The following KATNAL1 variants were observed in gnomAD, a reference collection of about 807,000 sequenced individuals.
KATNAL1 encodes the protein katanin catalytic subunit A1 like 1.
A neutral mutation model predicts 55.2 loss-of-function variants in KATNAL1; 32 were observed. The ratio of observed to expected loss-of-function variants is 0.58; its 90% CI spans 0.44 to 0.78. The LOEUF (loss-of-function observed/expected upper bound fraction) is 0.78, where lower values mean the gene tolerates loss of function less well. KATNAL1 is among the 30% of genes least tolerant of loss of function. The pLI, the probability that KATNAL1 is intolerant of heterozygous loss-of-function variation, is 0.00. For synonymous variants in KATNAL1, 193 were observed against 193.6 expected, an observed-to-expected ratio of 1.00 and a Z score of 0.02; for missense variants, 466 against 600.9, an observed-to-expected ratio of 0.78 and a Z score of 2.35.
chr13:30,271,959 G>T (rs541914534), intron 3 of KATNAL1, among the ~76,000 whole-genome samples: 1 of 151,124 alleles, frequency 6.6e-6, no homozygotes. Flanking sequence ...CAAAGAAGAT[G>T]GTCAACATTA....
rs867829756 is a variant in KATNAL1 at position 30,270,420 on chromosome 13, G to A, written c.323+9643C>T. 3.1e-3 allele frequency among the ~76,000 whole-genome samples: 470 copies of A among 152,262 alleles called. 1 individual carries two copies. The highest frequency in any genetic ancestry group is 0.011 in the African/African-American group (446 of 41,572). ...CCGGCCACCACCCCGTCTGGGAGGT[G>A]TACCCAACAGCTCATTGAGAACGGG... is the stretch of plus-strand genomic sequence containing the variant. On this transcript the variant is annotated intron_variant, in intron 3 of 10. Coordinates refer to ENST00000380615, the MANE Select transcript of KATNAL1 (RefSeq NM_032116.5).
intron 3 of KATNAL1, among the ~76,000 whole-genome samples, chr13:30,271,064 G>A (rs1226589278): frequency 6.6e-6 from 1 of 152,214 alleles, no homozygotes; most frequent in Non-Finnish European, 1.5e-5. Context: ...GAGGGCATTT[G>A]CCATGTGAAC....
intron 4 of KATNAL1, among the ~76,000 whole-genome samples, chr13:30,242,926 T>C (rs1877419409): frequency 6.6e-6 from 1 of 152,140 alleles, no homozygotes; most frequent in African/African-American, 2.4e-5. Flanking sequence ...TTATTCTTCA[T>C]AAAAAATACT....
intron 1 of KATNAL1, among the ~76,000 whole-genome samples, chr13:30,298,671 G>A (rs2137568485): frequency 6.6e-6 from 1 of 152,080 alleles, no homozygotes; most frequent in Non-Finnish European, 1.5e-5. Flanking sequence ...AGAACTTCTG[G>A]CATTAAAATA....
intron 9 of KATNAL1, among the ~76,000 whole-genome samples, chr13:30,225,698 G>A: frequency 6.9e-6 from 1 of 145,706 alleles, no homozygotes; most frequent in African/African-American, 2.6e-5. Context: ...ATTCATTCAA[G>A]AGGAATCACA....
intron 4 of KATNAL1, among the ~76,000 whole-genome samples, chr13:30,246,197 T>C (rs1204851047): frequency 6.6e-6 from 1 of 152,102 alleles, no homozygotes; most frequent in African/African-American, 2.4e-5. Context: ...AAAACAGATA[T>C]ATAGACCAAT....
chr13:30,289,359 C>T (rs1380106040), intron 1 of KATNAL1, among the ~76,000 whole-genome samples: 5 of 152,204 alleles, frequency 3.3e-5, no homozygotes, highest in Non-Finnish European at 7.3e-5. Context: ...CACAATTCTG[C>T]GCCTGTTGTA....
chr13:30,264,756 C>CA (rs1879606363), intron 3 of KATNAL1, among the ~76,000 whole-genome samples: 1 of 108,164 alleles, frequency 9.2e-6, no homozygotes, highest in African/African-American at 3.3e-5. Context: ...GAAATAGGAA[C>CA]ACTTTTACAC....
intron 1 of KATNAL1, among the ~76,000 whole-genome samples, chr13:30,301,428 G>A (rs1180518673): frequency 1.3e-5 from 2 of 152,022 alleles, no homozygotes; most frequent in Non-Finnish European, 2.9e-5. Flanking sequence ...ACCCTTTTTA[G>A]CACAAAAATA....
At chr13:30,242,831 T>C (rs1359107531) in intron 4 of KATNAL1, among the ~76,000 whole-genome samples, 1 of 151,922 alleles carries the variant, frequency 6.6e-6, no homozygotes, top group Admixed American at 6.6e-5. Context: ...CGTTTTCAAA[T>C]CAAAATGGTG....
At chr13:30,274,891 A>ATG (rs1555265587) in intron 3 of KATNAL1, among the ~76,000 whole-genome samples, 4 of 122,200 alleles carry the variant, frequency 3.3e-5, no homozygotes, top group African/African-American at 1.3e-4. Flanking sequence ...GCACACACAT[A>ATG]CGCGCGCGCG....
Position 30,225,074 on chromosome 13 carries a change from C to A in KATNAL1, c.1147+2338G>T, listed in dbSNP as rs539986776. On this transcript the variant is annotated intron_variant, in intron 9 of 10. Transcript: ENST00000380615. ...AGTTTCTGCCACATTTCTTCCTTCACCTTTTTTGACTTTTGAGCCAGGTAT... is the reference window on the plus strand; with the variant it reads ...AGTTTCTGCCACATTTCTTCCTTCAACTTTTTTGACTTTTGAGCCAGGTAT... Among the ~76,000 whole-genome samples the A allele has an allele frequency of 1.1e-4, 17 of 152,304 alleles. 1 individual carries two copies. In the Middle Eastern group the frequency reaches 0.01, roughly 91 times the overall value.
chr13:30,215,995 A>G (rs1021968117), intron 9 of KATNAL1, among the ~76,000 whole-genome samples: 5 of 152,210 alleles, frequency 3.3e-5, no homozygotes, highest in African/African-American at 7.2e-5. Flanking sequence ...GATATTTGTT[A>G]TGGTAGCCCT....
At chr13:30,234,933 C>T (rs1279456664) in intron 6 of KATNAL1, among the ~76,000 whole-genome samples, 1 of 152,106 alleles carries the variant, frequency 6.6e-6, no homozygotes, top group East Asian at 1.9e-4. Flanking sequence ...CTCATGGTGG[C>T]CCCCTATATA....
intron 1 of KATNAL1, among the ~76,000 whole-genome samples, chr13:30,288,458 G>C (rs1566131110): frequency 6.6e-6 from 1 of 152,162 alleles, no homozygotes; most frequent in African/African-American, 2.4e-5. Context: ...GGTAGGAATG[G>C]AGACCTTACT....
At chr13:30,229,936 AAAG>A (rs1180844152) in intron 8 of KATNAL1, among the ~76,000 whole-genome samples, 3 of 135,468 alleles carry the variant, frequency 2.2e-5, no homozygotes, top group Non-Finnish European at 4.6e-5. Context: ...ATATTAAAAA[AAAG>A]AAGAGGGGCT....
chr13:30,244,510 C>T (rs1321578281), intron 4 of KATNAL1, among the ~76,000 whole-genome samples: 1 of 152,122 alleles, frequency 6.6e-6, no homozygotes, highest in Non-Finnish European at 1.5e-5. Flanking sequence ...CACTGTCTTC[C>T]ACAATGGTTG....
intron 2 of KATNAL1, among the ~76,000 whole-genome samples, chr13:30,282,136 T>C (rs1458109949): frequency 4.0e-5 from 6 of 151,850 alleles, no homozygotes; most frequent in Admixed American, 3.9e-4. Context: ...AAACATTAAA[T>C]TTAAAAAACG....
At chr13:30,262,088 G>A (rs932303627) in intron 3 of KATNAL1, among the ~76,000 whole-genome samples, 11 of 151,734 alleles carry the variant, frequency 7.2e-5, no homozygotes, top group Non-Finnish European at 1.5e-4. Flanking sequence ...TCAACTACAC[G>A]GAAACTGAAC....
Sources: gnomAD v4.1 joint callset for allele counts (sites outside exome capture counted in the v4.1 genomes callset) on GRCh38, gnomAD v4.1.1 for gene constraint, MANE v1.5 for transcripts, NCBI Gene and HGNC (gene_info 2026-07-23, HGNC 2026-07-21) for gene names.